The following DHX34 variants were observed in gnomAD, a reference collection of about 807,000 sequenced individuals.
The protein encoded by DHX34 is probable ATP-dependent RNA helicase DHX34.
Under a neutral mutation model 111.1 loss-of-function variants are expected in DHX34, and 96 were observed. The observed-to-expected ratio is 0.86, with a 90% CI of 0.73 to 1.02. DHX34 has a LOEUF of 1.02. Among genes scored for constraint, DHX34 ranks in the 50% least tolerant of loss-of-function variants. The pLI, the probability that DHX34 is intolerant of heterozygous loss-of-function variation, is 0.00. For missense variants in DHX34, 1,560 were observed against 1,579.9 expected, an observed-to-expected ratio of 0.99 and a Z score of 0.21; for synonymous variants, 688 against 670.4, an observed-to-expected ratio of 1.03 and a Z score of -0.41.
chr19:47,376,750 C>T (rs995396856), intron 12 of DHX34, 190 bp downstream of exon 12: 2 of 1,441,682 alleles, frequency 1.4e-6, no homozygotes, highest in East Asian at 5.0e-5. Context: ...TGCTGGGCCT[C>T]ACCTTCCGCA....
At chr19:47,369,185 G>A (rs1415636543) in intron 7 of DHX34, among the ~76,000 whole-genome samples, 2 of 152,064 alleles carry the variant, frequency 1.3e-5, no homozygotes, top group African/African-American at 4.8e-5. Flanking sequence ...GCCAGTATTT[G>A]TTTTTTCAGT....
intron 9 of DHX34, among the ~76,000 whole-genome samples, chr19:47,374,404 T>C (rs1231335186): frequency 3.0e-5 from 4 of 132,236 alleles, no homozygotes; most frequent in Admixed American, 8.5e-5. Flanking sequence ...GCCATTGCAC[T>C]CCAGCCTGGG....
chr19:47,349,725 A>T (rs896110561), intron 1 of DHX34, among the ~76,000 whole-genome samples: 3 of 152,070 alleles, frequency 2.0e-5, no homozygotes, highest in African/African-American at 7.2e-5. Flanking sequence ...GTGGTCGCCC[A>T]TGAACTTGGG....
chr19:47,362,447 G>A, intron 5 of DHX34, 29 bp from the exon 6 acceptor site: 2 of 1,511,004 alleles, frequency 1.3e-6, no homozygotes, highest in Non-Finnish European at 8.9e-7. Flanking sequence ...GCCACACACA[G>A]ACTCCCTTTC....
At chr19:47,370,277 A>G (rs1436853487) in intron 7 of DHX34, among the ~76,000 whole-genome samples, 1 of 152,088 alleles carries the variant, frequency 6.6e-6, no homozygotes, top group African/African-American at 2.4e-5. Context: ...TGGAGTACCC[A>G]AGATCCCCCA....
At position 47,380,003 on chromosome 19, in the gene DHX34, G is replaced by T; in HGVS notation, c.2982+18G>T. 6.4e-7 allele frequency: 1 copy of T among 1,561,712 alleles called. No homozygotes were observed. The highest frequency in any genetic ancestry group is 1.2e-5 in the South Asian group (1 of 84,880). ...CATCCAAGGTACCCTCCACCAGGGT[G>T]CCCGTGCCTCCCTATGGCCAGAAGG... On this transcript the variant is annotated intron_variant, in intron 14 of 16. Transcript: ENST00000328771.
At chr19:47,361,608 ATC>A (rs1178912264) in intron 5 of DHX34, among the ~76,000 whole-genome samples, 1 of 151,916 alleles carries the variant, frequency 6.6e-6, no homozygotes, top group African/African-American at 2.4e-5. Context: ...GTGAAACCCC[ATC>A]TCTACTAAAA....
chr19:47,379,159 T>G (rs2016429), intron 13 of DHX34, among the ~76,000 whole-genome samples: 58,284 of 145,002 alleles, frequency 0.4, 13,172 homozygotes, highest in East Asian at 0.63. Context: ...ATAATAATAA[T>G]AAGAAGAAGA....
At chr19:47,367,468 G>T (rs1355555007) in intron 7 of DHX34, among the ~76,000 whole-genome samples, 1 of 152,184 alleles carries the variant, frequency 6.6e-6, no homozygotes, top group Non-Finnish European at 1.5e-5. Context: ...GTTGGGGAAT[G>T]GGGAGTTGCA....
At position 47,367,033 on chromosome 19, in the gene DHX34, C is replaced by G; in HGVS notation, c.1646C>G (p.Pro549Arg). 1 of 1,601,802 alleles carries G rather than the reference C, an allele frequency of 6.2e-7. No homozygotes were observed. Among genetic ancestry groups the G allele is most frequent in the Non-Finnish European group, 8.5e-7 (1 of 1,173,916 alleles). ...DPRTFPFIEP[P>R]PPASLETAIL... ...CGAACCTTCCCCTTCATCGAGCCCC[C>G]ACCACCAGCCAGCCTGGAAACCGCC... Residue 549 changes from proline (P) to arginine (R), a missense_variant, in exon 7 of 17, where the codon CCA becomes CGA. Coordinates refer to ENST00000328771, the MANE Select transcript of DHX34 (RefSeq NM_014681.6).
chr19:47,374,566 A>G lies in DHX34; in HGVS notation c.2064+866A>G, dbSNP rs114829863. ...TAGGTCCTTTTCCATGGTTGTATCC[A>G]TGGATTGAGAATAGAATAAAAGGGT... is the stretch of plus-strand genomic sequence containing the variant. On this transcript the variant is annotated intron_variant, in intron 9 of 16. Transcript: ENST00000328771. Among the ~76,000 whole-genome samples the G allele has an allele frequency of 2.8e-3, 423 of 151,978 alleles. 3 individuals are homozygous for G. Among genetic ancestry groups the G allele is most frequent in the African/African-American group, 0.01 (417 of 41,418 alleles).
chr19:47,381,131 TG>T (rs1970342710), intron 15 of DHX34, 54 bp from the exon 16 acceptor site: 4 of 1,604,024 alleles, frequency 2.5e-6, no homozygotes, highest in Non-Finnish European at 3.4e-6. Flanking sequence ...GGGGGGCACT[TG>T]GGTGGTGGGT....
chr19:47,362,680 C>G lies in DHX34; in HGVS notation c.1580C>G (p.Ser527Trp), dbSNP rs753138391. ...VPEIRRVALD[S>W]LVLQMKSMSV... ...GAAATTCGGAGGGTGGCCCTGGACT[C>G]GTTGGTGCTGCAGGTGAGGCATGGG... The change falls in exon 6 of 17, where the codon TCG becomes TGG. Residue 527 changes from serine (S) to tryptophan (W), a missense_variant. Ser to Trp is a radical substitution (Grantham distance 177, BLOSUM62 -3). Transcript: ENST00000328771. 1 of 1,612,130 alleles carries G rather than the reference C, an allele frequency of 6.2e-7. No individual in the cohort carries two copies.
intron 4 of DHX34, among the ~76,000 whole-genome samples, chr19:47,359,377 G>A (rs1215459647): frequency 3.3e-5 from 5 of 151,794 alleles, no homozygotes; most frequent in East Asian, 1.9e-4. Flanking sequence ...CAGGAGGATC[G>A]CATGAGCTCA....
intron 4 of DHX34, chr19:47,359,724 G>A (rs1969566758): frequency 2.3e-6 from 1 of 435,440 alleles, no homozygotes; most frequent in Non-Finnish European, 3.1e-6. Context: ...AGAGGTTGCA[G>A]TGAGCCGAGA....
intron 4 of DHX34, 181 bp from the exon 5 acceptor site, chr19:47,359,787 G>C (rs936288568): frequency 6.4e-6 from 6 of 941,110 alleles, no homozygotes; most frequent in South Asian, 9.8e-5. Flanking sequence ...GTCTGAGGGT[G>C]GGGGAGGGCC....
intron 7 of DHX34, among the ~76,000 whole-genome samples, chr19:47,368,211 C>T (rs1969851816): frequency 6.8e-6 from 1 of 147,500 alleles, no homozygotes; most frequent in Non-Finnish European, 1.5e-5. Flanking sequence ...GCTACAGGAA[C>T]AGTGAGGAGC....
rs1308796517 is a variant in DHX34 at position 47,358,012 on chromosome 19, G to A, written c.1164G>A (p.Met388Ile). The change falls in exon 4 of 17, where the codon ATG (methionine) becomes ATA (isoleucine). Residue 388 changes from methionine to isoleucine, a missense_variant. By Grantham distance (10) the Met-to-Ile change is conservative. Coordinates refer to ENST00000328771, the MANE Select transcript of DHX34 (RefSeq NM_014681.6). ...ACCTCCTCGTCTTCCTCAGCGGCATGGCGGAGATCAGCGCCGTGCTGGAGG... is the reference window on the plus strand; with the variant it reads ...ACCTCCTCGTCTTCCTCAGCGGCATAGCGGAGATCAGCGCCGTGCTGGAGG... ...RGDLLVFLSGMAEISAVLEAA... is the reference protein window; with the variant it reads ...RGDLLVFLSGIAEISAVLEAA... 2.5e-6 allele frequency: 4 copies of A among 1,613,766 alleles called. No homozygotes were observed. Among genetic ancestry groups the A allele is most frequent in the Middle Eastern group, 3.3e-4 (2 of 6,058 alleles).
intron 1 of DHX34, among the ~76,000 whole-genome samples, chr19:47,352,248 G>T (rs1969309215): frequency 6.6e-6 from 1 of 152,184 alleles, no homozygotes; most frequent in Non-Finnish European, 1.5e-5. Context: ...CCCCATCACT[G>T]GATTGTCACA....
Sources: allele counts gnomAD v4.1 joint callset (sites outside exome capture counted in the v4.1 genomes callset), GRCh38; gene constraint gnomAD v4.1.1; transcripts MANE v1.5; gene names NCBI Gene and HGNC (gene_info 2026-07-23, HGNC 2026-07-21).